DLG2: variants seen among roughly 807,000 people sequenced by gnomAD.
The protein encoded by DLG2 is discs large MAGUK scaffold protein 2.
DLG2 carries 45 observed loss-of-function variants against 132.5 expected under a neutral mutation model. The observed-to-expected ratio is 0.34, with a 90% CI of 0.27 to 0.44. DLG2 has a LOEUF of 0.44. DLG2 is among the 20% of genes least tolerant of loss of function. DLG2 has a pLI of 1.00. For missense variants in DLG2, 1,045 were observed against 1,196.9 expected (o/e 0.87, Z 1.87); for synonymous variants, 424 against 419.6 (o/e 1.01, Z -0.13).
chr11:84,426,071 T>C (rs1367895136), intron 7 of DLG2, among the ~76,000 whole-genome samples: 1 of 152,070 alleles, frequency 6.6e-6, no homozygotes, highest in African/African-American at 2.4e-5. Flanking sequence ...CTCAAAAATA[T>C]GAATATAACC....
intron 10 of DLG2, among the ~76,000 whole-genome samples, chr11:84,065,520 C>T (rs893630449): frequency 2.6e-5 from 4 of 152,172 alleles, no homozygotes; most frequent in Non-Finnish European, 2.9e-5. Flanking sequence ...AATGGGGTAA[C>T]ATCTCACACC....
intron 6 of DLG2, among the ~76,000 whole-genome samples, chr11:84,861,242 AAAGGGGGAT>A (rs1276840650): frequency 6.6e-6 from 1 of 152,094 alleles, no homozygotes; most frequent in African/African-American, 2.4e-5. Context: ...GAGGAAAAAG[AAAGGGGGAT>A]AAGCATGTGA....
At chr11:85,524,838 C>T (rs1458839550) in intron 3 of DLG2, among the ~76,000 whole-genome samples, 2 of 151,956 alleles carry the variant, frequency 1.3e-5, no homozygotes, top group Non-Finnish European at 2.9e-5. Context: ...CAGGCAAACT[C>T]AATCTCTGGT....
chr11:84,581,237 GAC>G (rs1252850591), intron 6 of DLG2, among the ~76,000 whole-genome samples: 1 of 152,122 alleles, frequency 6.6e-6, no homozygotes, highest in Non-Finnish European at 1.5e-5. Flanking sequence ...TATAAATTAT[GAC>G]ATGAACACAA....
chr11:85,537,091 C>T (rs895657071), intron 3 of DLG2, among the ~76,000 whole-genome samples: 3 of 152,264 alleles, frequency 2.0e-5, no homozygotes, highest in African/African-American at 2.4e-5. Context: ...ACTTGGAGAA[C>T]GTTTGCGTCT....
chr11:84,462,889 T>A (rs1413792756), intron 7 of DLG2, among the ~76,000 whole-genome samples: 1 of 151,248 alleles, frequency 6.6e-6, no homozygotes, highest in Non-Finnish European at 1.5e-5. Context: ...TATCACACAC[T>A]GATCTTTTTG....
chr11:85,604,800 A>C (rs2080412267), intron 2 of DLG2, among the ~76,000 whole-genome samples: 1 of 152,208 alleles, frequency 6.6e-6, no homozygotes, highest in Admixed American at 6.5e-5. Context: ...CTGTTAATTA[A>C]GGTTCAACTC....
chr11:84,680,926 A>G (rs562319052), intron 6 of DLG2, among the ~76,000 whole-genome samples: 1 of 152,288 alleles, frequency 6.6e-6, no homozygotes, highest in Admixed American at 6.5e-5. Context: ...AATGCTTTGG[A>G]TATATAACAG....
intron 6 of DLG2, among the ~76,000 whole-genome samples, chr11:84,815,019 G>A (rs1425196161): frequency 6.6e-6 from 1 of 152,040 alleles, no homozygotes; most frequent in Admixed American, 6.6e-5. Flanking sequence ...GGCTTTGGAA[G>A]AGGAAGAGGA....
At chr11:83,795,556 C>T (rs1362390010) in intron 17 of DLG2, among the ~76,000 whole-genome samples, 3 of 151,930 alleles carry the variant, frequency 2.0e-5, no homozygotes, top group Non-Finnish European at 2.9e-5. Context: ...GAAATTTGAG[C>T]ACTTTTAGTT....
chr11:84,454,780 T>C (rs1018118468), intron 7 of DLG2, among the ~76,000 whole-genome samples: 1 of 151,442 alleles, frequency 6.6e-6, no homozygotes, highest in Non-Finnish European at 1.5e-5. Context: ...TACTGGAAGA[T>C]GCAAACAAAT....
At chr11:83,600,580 C>T (rs974801689) in intron 19 of DLG2, among the ~76,000 whole-genome samples, 4 of 152,154 alleles carry the variant, frequency 2.6e-5, no homozygotes, top group Admixed American at 1.3e-4. Flanking sequence ...AAAAGTCATC[C>T]ATGTTCTTAG....
chr11:83,651,870 G>T, intron 18 of DLG2: 1 of 471,134 alleles, frequency 2.1e-6, no homozygotes, highest in Non-Finnish European at 4.4e-6. Context: ...CACATTGGCT[G>T]TCAAAGGACA....
chr11:84,480,987 C>T (rs1456261339), intron 7 of DLG2, among the ~76,000 whole-genome samples: 1 of 151,952 alleles, frequency 6.6e-6, no homozygotes, highest in Non-Finnish European at 1.5e-5. Context: ...GGTCTGCCCA[C>T]CTCGGCCTCC....
At chr11:84,972,950 GT>G (rs199563898) in intron 6 of DLG2, among the ~76,000 whole-genome samples, 21,996 of 140,686 alleles carry the variant, frequency 0.16, 1,715 homozygotes, top group South Asian at 0.29. Flanking sequence ...AGTTTTTTGG[GT>G]TTTTTTTTTT....
intron 6 of DLG2, chr11:84,546,763 C>T: frequency 3.0e-6 from 1 of 334,600 alleles, no homozygotes; most frequent in Non-Finnish European, 6.0e-6. Context: ...TTCAGACTCT[C>T]ATGGGTTGTT....
intron 27 of DLG2, among the ~76,000 whole-genome samples, chr11:83,460,847 C>T (rs900289032): frequency 2.0e-5 from 3 of 152,072 alleles, no homozygotes; most frequent in Non-Finnish European, 4.4e-5. Flanking sequence ...AAACACAGCT[C>T]GTATCTTGGT....
chr11:84,653,104 A>T, intron 6 of DLG2, among the ~76,000 whole-genome samples: 1 of 151,840 alleles, frequency 6.6e-6, no homozygotes, highest in Non-Finnish European at 1.5e-5. Context: ...TAATTTTTGT[A>T]TTTTTAGTAG....
At chr11:85,465,073 CAAAAAAAAAAAAAAAAAAAAAAAAAAAA>C (rs1157088846) in intron 3 of DLG2, among the ~76,000 whole-genome samples, 17 of 17,148 alleles carry the variant, frequency 9.9e-4, no homozygotes, top group South Asian at 2.5e-3. Flanking sequence ...AACTCTGCCT[CAAAAAAAAAAAAAAAAAAAAAAAAAAAA>C]AAAAAAAAAA....
Sources: gnomAD v4.1 joint callset for allele counts (sites outside exome capture counted in the v4.1 genomes callset) on GRCh38, gnomAD v4.1.1 for gene constraint, MANE v1.5 for transcripts, NCBI Gene and HGNC (gene_info 2026-07-23, HGNC 2026-07-21) for gene names.